LAMA1: variants seen among roughly 807,000 people sequenced by gnomAD.
LAMA1 encodes laminin subunit alpha-1.
In LAMA1, 219 loss-of-function variants were observed where a neutral mutation model predicts 348.7. The observed-to-expected ratio is 0.63, with a 90% confidence interval of 0.56 to 0.70. The LOEUF (loss-of-function observed/expected upper bound fraction) is 0.70, where lower values mean the gene tolerates loss of function less well. LAMA1 is among the 30% of genes least tolerant of loss of function. LAMA1 has a pLI of 0.00. For synonymous variants in LAMA1, 1,487 were observed against 1,491.0 expected, an observed-to-expected ratio of 1.00 and a Z score of 0.06; for missense variants, 3,744 against 3,888.0, an observed-to-expected ratio of 0.96 and a Z score of 0.99.
chr18:7,036,174 T>A, intron 12 of LAMA1, 86 bp from the exon 13 acceptor site: 1 of 902,716 alleles, frequency 1.1e-6, no homozygotes, highest in Non-Finnish European at 1.8e-6. Context: ...CTGGGATCCA[T>A]CTGCAAACAA....
chr18:6,993,450 A>AT (rs909507495), intron 35 of LAMA1, among the ~76,000 whole-genome samples, 191 bp downstream of exon 35: 15 of 152,144 alleles, frequency 9.9e-5, no homozygotes, highest in African/African-American at 3.6e-4. Flanking sequence ...AGAAATATGC[A>AT]TTTTTTTAAA....
intron 1 of LAMA1, among the ~76,000 whole-genome samples, chr18:7,083,125 C>T (rs2058199827): frequency 6.6e-6 from 1 of 151,868 alleles, no homozygotes; most frequent in Non-Finnish European, 1.5e-5. Flanking sequence ...TTATAGTAAT[C>T]AGCATCAGGT....
In LAMA1 at chr18:7,013,890, C is replaced by T. The variant is rs1450209284; in HGVS notation, c.3288G>A (p.Gly1096=). The change falls in exon 23 of 63, where the codon GGG becomes GGA. Residue 1096 remains glycine (G), a synonymous_variant. Transcript: ENST00000389658. The stretch of plus-strand genomic sequence containing the variant: ...CCAGGTTGCAGGCGTCCCCCGACGT[C>T]CCCCTCAGGTCACAGTCACAGGGAA... The part of the protein sequence containing the change: ...DCVPCDCDLR[G]TSGDACNLEQ... The T allele has an allele frequency of 6.2e-7, 1 of 1,613,156 alleles. No individual in the cohort carries two copies. The highest frequency in any genetic ancestry group is 8.5e-7 in the Non-Finnish European group (1 of 1,179,566).
chr18:7,033,253 T>G (rs1239476737), intron 14 of LAMA1, among the ~76,000 whole-genome samples, 158 bp from the exon 15 acceptor site: 1 of 151,948 alleles, frequency 6.6e-6, no homozygotes, highest in Non-Finnish European at 1.5e-5. Flanking sequence ...GATCACGAGG[T>G]CAAGAGATCG....
At chr18:7,112,868 C>T (rs1430808792) in intron 1 of LAMA1, among the ~76,000 whole-genome samples, 2 of 152,152 alleles carry the variant, frequency 1.3e-5, no homozygotes, top group Non-Finnish European at 2.9e-5. Flanking sequence ...CTCCCGACCT[C>T]ATGTGACCCA....
At chr18:6,995,584 G>T (rs531724296) in intron 33 of LAMA1, 138 bp from the exon 34 acceptor site, 2 of 665,926 alleles carry the variant, frequency 3.0e-6, no homozygotes, top group South Asian at 1.7e-5. Flanking sequence ...AAAAAAAAAT[G>T]GATCACATTT....
intron 19 of LAMA1, among the ~76,000 whole-genome samples, chr18:7,020,260 C>T (rs2057909396): frequency 1.3e-5 from 2 of 152,194 alleles, no homozygotes; most frequent in African/African-American, 4.8e-5. Context: ...CGCTGCCCCA[C>T]AGCAGAGGCA....
chr18:6,980,550 G>C lies in LAMA1; in HGVS notation c.5978C>G (p.Ser1993Ter). Residue 1993 changes from serine to a stop codon, truncating the protein, a stop_gained, in exon 42 of 63, where the codon TCA becomes TGA. Coordinates refer to ENST00000389658, the MANE Select transcript of LAMA1 (RefSeq NM_005559.4). LOFTEE classifies it high-confidence loss of function. ...AVEITRQTNE[S>*]LLILRAIPKG... The stretch of plus-strand genomic sequence containing the variant: ...AGGAATTGCTCTAAGTATCAAGAGT[G>C]ATTCATTGGTTTGCCTGGTAATTTC... 6.2e-7 allele frequency: 1 copy of C among 1,610,762 alleles called. No homozygotes were observed. The highest frequency in any genetic ancestry group is 8.5e-7 in the Non-Finnish European group (1 of 1,177,054).
rs764756558 is a variant in LAMA1 at position 6,985,394 on chromosome 18, C to CT, written c.5502dup (p.Glu1835ArgfsTer6). ...AAAAGTAGCTTATCCTGGTGATCCTCTAAGTGCTACATGGAGAAATTAATA... is the reference window on the plus strand; with the variant it reads ...AAAAGTAGCTTATCCTGGTGATCCTCTTAAGTGCTACATGGAGAAATTAATA... On this transcript the variant is annotated frameshift_variant, in exon 39 of 63. Coordinates refer to ENST00000389658, the MANE Select transcript of LAMA1 (RefSeq NM_005559.4). LOFTEE classifies it high-confidence loss of function. The CT allele has an allele frequency of 3.5e-5, 56 of 1,614,028 alleles. No homozygotes were observed. The highest frequency in any genetic ancestry group is 4.7e-5 in the Non-Finnish European group (55 of 1,180,032).
Position 7,038,902 on chromosome 18 carries a change from T to C in LAMA1, c.1471A>G (p.Asn491Asp). Residue 491 changes from asparagine to aspartate, a missense_variant, in exon 11 of 63, where the codon AAC becomes GAC. This residue lies in a region of LAMA1 where 1,529 missense variants were observed against 1,689.4 expected (regional missense o/e 0.91). Coordinates refer to ENST00000389658, the MANE Select transcript of LAMA1 (RefSeq NM_005559.4). ...ACDRCKPGFYNLKEKNPRGCS... is the reference protein window; with the variant it reads ...ACDRCKPGFYDLKEKNPRGCS... Reference sequence around the variant, plus strand: ...CCCCGGGGGTTTTTTTCCTTCAAGTTATAGAATCCTGGCTTGCAGCGATCA... The same window carrying C: ...CCCCGGGGGTTTTTTTCCTTCAAGTCATAGAATCCTGGCTTGCAGCGATCA... 1.2e-6 allele frequency: 2 copies of C among 1,613,976 alleles called. No individual in the cohort carries two copies. Among genetic ancestry groups the C allele is most frequent in the Non-Finnish European group, 1.7e-6 (2 of 1,179,852 alleles).
intron 1 of LAMA1, among the ~76,000 whole-genome samples, chr18:7,085,695 G>A (rs916707122): frequency 5.9e-5 from 9 of 152,080 alleles, no homozygotes; most frequent in African/African-American, 2.2e-4. Flanking sequence ...TGGGATTACA[G>A]GCGTGAGCCA....
Position 7,039,930 on chromosome 18 carries a change from G to C in LAMA1, c.1422+146C>G, listed in dbSNP as rs755247066. 1.4e-4 allele frequency: 121 copies of C among 868,288 alleles called. No homozygotes were observed. The Admixed American group carries it at 2.5e-3, about 18-fold the overall frequency. 53.8% of individuals were successfully genotyped at this position (868,288 alleles called of 1,614,324 possible). On this transcript the variant is annotated intron_variant, in intron 10 of 62. Transcript: ENST00000389658. ...AAGCATATATAATACAGCCAACTCG[G>C]TGTGGCTTGGAGAGAAGGGGCAAGG...
intron 27 of LAMA1, among the ~76,000 whole-genome samples, chr18:7,008,900 G>C (rs888928483): frequency 2.0e-5 from 3 of 152,180 alleles, no homozygotes; most frequent in African/African-American, 7.2e-5. Context: ...TAAAGTATGA[G>C]ATGAGTAGGT....
At chr18:7,015,910 G>A (rs760815994) in intron 21 of LAMA1, 52 bp from the exon 22 acceptor site, 3 of 1,604,426 alleles carry the variant, frequency 1.9e-6, no homozygotes, top group Admixed American at 1.7e-5. Flanking sequence ...TCATTAAAGG[G>A]CTAAGAGCTG....
chr18:7,026,991 A>G (rs974579594), intron 16 of LAMA1, among the ~76,000 whole-genome samples: 1 of 152,158 alleles, frequency 6.6e-6, no homozygotes, highest in Non-Finnish European at 1.5e-5. Flanking sequence ...CTCAAAAAAA[A>G]AAAAAAAAGA....
chr18:6,956,929 C>T, intron 55 of LAMA1, 164 bp from the exon 56 acceptor site: 1 of 728,296 alleles, frequency 1.4e-6, no homozygotes, highest in East Asian at 2.8e-5. Context: ...AGAGTCCAAA[C>T]ATGCTATCTT....
Position 7,034,696 on chromosome 18 carries a change from A to C in LAMA1, c.1840-6T>G. ...CTTAAAGTGAGTCCGTTTCCCTAAC[A>C]TTTAAAAACAAGAGAAAATATATTT... On this transcript the variant is annotated splice_region_variant and splice_polypyrimidine_tract_variant and intron_variant, in intron 13 of 62. Coordinates refer to ENST00000389658, the MANE Select transcript of LAMA1 (RefSeq NM_005559.4). 6.2e-7 allele frequency: 1 copy of C among 1,608,068 alleles called. No individual in the cohort carries two copies. Among genetic ancestry groups the C allele is most frequent in the Non-Finnish European group, 8.5e-7 (1 of 1,174,702 alleles).
intron 55 of LAMA1, among the ~76,000 whole-genome samples, chr18:6,958,127 C>T (rs934338145): frequency 1.3e-5 from 2 of 152,136 alleles, no homozygotes; most frequent in Non-Finnish European, 2.9e-5. Context: ...TAGTAAACAG[C>T]TCCTTCAAAG....
chr18:7,027,260 A>T (rs926061462), intron 16 of LAMA1, among the ~76,000 whole-genome samples: 1 of 152,206 alleles, frequency 6.6e-6, no homozygotes. Context: ...TACAAGAGAC[A>T]AGCCTTATTC....
Sources: gnomAD v4.1 joint callset for allele counts (sites outside exome capture counted in the v4.1 genomes callset) on GRCh38, gnomAD v4.1.1 for gene constraint, gnomAD v4.1.1 regional missense constraint, MANE v1.5 for transcripts, NCBI Gene and HGNC (gene_info 2026-07-23, HGNC 2026-07-21) for gene names.